COLEC10: variants seen among roughly 807,000 people sequenced by gnomAD.
The protein encoded by COLEC10 is collectin subfamily member 10.
In COLEC10, 22 loss-of-function variants were observed where a neutral mutation model predicts 28.4. That is an observed-to-expected ratio of 0.78 (90% CI 0.55 to 1.11). The LOEUF (loss-of-function observed/expected upper bound fraction) is 1.11, where lower values mean the gene tolerates loss of function less well. Ranked by LOEUF, COLEC10 falls within the 50% of genes least tolerant of loss-of-function variation. COLEC10 has a pLI of 0.00. For missense variants in COLEC10, 361 were observed against 344.1 expected (o/e 1.05, Z -0.39); for synonymous variants, 125 against 116.1 (o/e 1.08, Z -0.49).
At chr8:119,002,752 G>A (rs1482631049) in intron 1 of COLEC10, among the ~76,000 whole-genome samples, 1 of 152,134 alleles carries the variant, frequency 6.6e-6, no homozygotes, top group East Asian at 1.9e-4. Context: ...ACCCAGGCTA[G>A]CTAGAAAACA....
chr8:119,025,603 C>T (rs1040487945), intron 2 of COLEC10, among the ~76,000 whole-genome samples: 11 of 152,234 alleles, frequency 7.2e-5, no homozygotes, highest in South Asian at 2.1e-4. Context: ...AGTGACTAAG[C>T]GCGAGGCTTG....
At chr8:118,985,880 T>G in the COLEC10 span, among the ~76,000 whole-genome samples, 2 of 151,988 alleles carry the variant, frequency 1.3e-5, no homozygotes, top group African/African-American at 4.8e-5. Context: ...ATATCAGGGG[T>G]TTGACTAGAG....
chr8:119,030,054 C>A (rs1814260593), intron 2 of COLEC10, among the ~76,000 whole-genome samples: 1 of 152,182 alleles, frequency 6.6e-6, no homozygotes, highest in Non-Finnish European at 1.5e-5. Context: ...CCGAAGTCCC[C>A]TGCAGATTAT....
chr8:118,962,770 T>C, the COLEC10 span, among the ~76,000 whole-genome samples: 1 of 152,190 alleles, frequency 6.6e-6, no homozygotes, highest in African/African-American at 2.4e-5. Context: ...CCTTCCCATT[T>C]TCCACACCCC....
At chr8:119,042,400 CTTAATTTA>C (rs1217582521) in intron 2 of COLEC10, among the ~76,000 whole-genome samples, 6 of 104,764 alleles carry the variant, frequency 5.7e-5, no homozygotes, top group East Asian at 3.2e-4. Flanking sequence ...TTTTATTTAA[CTTAATTTA>C]TTTATTTATT....
chr8:119,015,761 A>G (rs1451743372), intron 2 of COLEC10, among the ~76,000 whole-genome samples: 1 of 152,166 alleles, frequency 6.6e-6, no homozygotes, highest in Non-Finnish European at 1.5e-5. Context: ...TTTGTCCTGT[A>G]CCTGAGAAGA....
chr8:119,026,840 G>A (rs1814200765), intron 2 of COLEC10, among the ~76,000 whole-genome samples: 1 of 152,146 alleles, frequency 6.6e-6, no homozygotes, highest in East Asian at 1.9e-4. Flanking sequence ...GAGAGAGAAA[G>A]CCATACCTTT....
chr8:118,969,059 C>G, the COLEC10 span, among the ~76,000 whole-genome samples: 1 of 151,834 alleles, frequency 6.6e-6, no homozygotes, highest in East Asian at 1.9e-4. Context: ...CTGGCAGGCT[C>G]GATTCAATTA....
chr8:119,018,444 T>C (rs899731390), intron 2 of COLEC10, among the ~76,000 whole-genome samples: 11 of 152,210 alleles, frequency 7.2e-5, no homozygotes, highest in African/African-American at 2.7e-4. Context: ...AGCTTGGCTT[T>C]GAGATGCTTG....
At chr8:119,105,014 C>T (rs764714896) in intron 5 of COLEC10, among the ~76,000 whole-genome samples, 4 of 152,130 alleles carry the variant, frequency 2.6e-5, no homozygotes, top group Non-Finnish European at 4.4e-5. Context: ...CTCAGTAGCT[C>T]AGTCTTCCTC....
chr8:119,042,116 G>GC (rs1380897330), intron 2 of COLEC10, among the ~76,000 whole-genome samples: 2 of 151,456 alleles, frequency 1.3e-5, no homozygotes, highest in Admixed American at 1.3e-4. Context: ...CCCTGTTTCA[G>GC]CCCCCCGAGA....
At chr8:119,035,777 A>C (rs529554728) in intron 2 of COLEC10, among the ~76,000 whole-genome samples, 15 of 152,200 alleles carry the variant, frequency 9.9e-5, no homozygotes, top group Non-Finnish European at 2.1e-4. Context: ...AATAAGAAAC[A>C]AGCAGCGGTT....
At chr8:119,021,307 A>G (rs1283488437) in intron 2 of COLEC10, among the ~76,000 whole-genome samples, 1 of 152,210 alleles carries the variant, frequency 6.6e-6, no homozygotes, top group East Asian at 1.9e-4. Context: ...CATGACTTAA[A>G]CATTTCTTAA....
At chr8:118,986,220 A>C in the COLEC10 span, among the ~76,000 whole-genome samples, 1 of 152,218 alleles carries the variant, frequency 6.6e-6, no homozygotes, top group Admixed American at 6.5e-5. Flanking sequence ...ATAACTAGTA[A>C]AGATATGGAG....
chr8:119,062,438 A>G (rs1814871931), upstream of COLEC10, among the ~76,000 whole-genome samples: 1 of 151,814 alleles, frequency 6.6e-6, no homozygotes, highest in Non-Finnish European at 1.5e-5. Context: ...AAACCATTTG[A>G]CTTTTTTTAA....
chr8:119,033,244 AC>A (rs1412558356), intron 2 of COLEC10, among the ~76,000 whole-genome samples: 3 of 96,798 alleles, frequency 3.1e-5, no homozygotes, highest in African/African-American at 1.0e-4. Flanking sequence ...TTAGTAATTC[AC>A]TTTCTTCAGA....
At chr8:119,078,990 TACACACACACACACACAC>T (rs59453751) in intron 1 of COLEC10, among the ~76,000 whole-genome samples, 7,556 of 143,050 alleles carry the variant, frequency 0.053, 369 homozygotes, top group African/African-American at 0.13. Flanking sequence ...TGGGAAAACG[TACACACACACACACACAC>T]ACACACACAC....
intron 2 of COLEC10, among the ~76,000 whole-genome samples, chr8:119,054,135 A>G (rs78959153): frequency 0.037 from 5,575 of 152,184 alleles, 155 homozygotes; most frequent in East Asian, 0.16. Flanking sequence ...GCTAGTCAGA[A>G]TGGATAGGCT....
chr8:118,959,392 T>C, the COLEC10 span, among the ~76,000 whole-genome samples: 4,176 of 94,706 alleles, frequency 0.044, 179 homozygotes, highest in African/African-American at 0.18. Flanking sequence ...CTTATTCATT[T>C]GCTAGTTTTG....
Sources: gnomAD v4.1 joint callset for allele counts (sites outside exome capture counted in the v4.1 genomes callset) on GRCh38, gnomAD v4.1.1 for gene constraint, MANE v1.5 for transcripts, NCBI Gene and HGNC (gene_info 2026-07-23, HGNC 2026-07-21) for gene names.